FAM53B: variants seen among roughly 807,000 people sequenced by gnomAD.
FAM53B encodes family with sequence similarity 53 member B, also known as protein FAM53B.
A neutral mutation model predicts 32.7 loss-of-function variants in FAM53B; 12 were observed. The ratio of observed to expected loss-of-function variants is 0.37; its 90% confidence interval spans 0.24 to 0.59. FAM53B has a LOEUF of 0.59. FAM53B is among the 20% of genes least tolerant of loss of function. FAM53B has a pLI of 0.72. For synonymous variants in FAM53B, 234 were observed against 228.7 expected (o/e 1.02, Z -0.21); for missense variants, 477 against 577.7 (o/e 0.83, Z 1.79).
chr10:124,737,039 A>G (rs925194060), intron 1 of FAM53B, among the ~76,000 whole-genome samples: 1 of 152,252 alleles, frequency 6.6e-6, no homozygotes, highest in African/African-American at 2.4e-5. Flanking sequence ...TTCTGCAGGC[A>G]GCATGTCTTC....
In FAM53B at chr10:124,681,825, A is replaced by G. The variant is rs1267276041; in HGVS notation, c.688T>C (p.Ser230Pro). Reference protein sequence around the residue: ...GGRLDLQRSLSCSHEQFSFVE... With the variant: ...GGRLDLQRSLPCSHEQFSFVE... Reference sequence around the variant, plus strand: ...AAGGAAAACTGCTCATGTGAGCAAGAGAGGGACCGCTGCAGGTCCAGCCGG... The same window carrying G: ...AAGGAAAACTGCTCATGTGAGCAAGGGAGGGACCGCTGCAGGTCCAGCCGG... Residue 230 changes from serine to proline, a missense_variant, in exon 4 of 5, where the codon TCT (serine) becomes CCT (proline). Coordinates refer to ENST00000337318, the MANE Select transcript of FAM53B (RefSeq NM_014661.4). The G allele has an allele frequency of 3.1e-6, 5 of 1,611,738 alleles. No individual in the cohort carries two copies. Among genetic ancestry groups the G allele is most frequent in the Non-Finnish European group, 4.2e-6 (5 of 1,178,898 alleles).
intron 4 of FAM53B, among the ~76,000 whole-genome samples, chr10:124,653,499 G>T (rs1205197358): frequency 6.6e-6 from 1 of 152,218 alleles, no homozygotes; most frequent in Non-Finnish European, 1.5e-5. Context: ...AAGAGGTCTT[G>T]CAAGAACAAG....
intron 4 of FAM53B, among the ~76,000 whole-genome samples, chr10:124,624,241 C>G (rs921850049): frequency 6.6e-6 from 1 of 152,242 alleles, no homozygotes; most frequent in Admixed American, 6.5e-5. Context: ...CTCTCCACAA[C>G]CAGAGCGGGA....
intron 4 of FAM53B, chr10:124,667,208 C>T (rs957195505): frequency 2.3e-5 from 13 of 554,792 alleles, no homozygotes; most frequent in Admixed American, 6.9e-5. Context: ...TCATGATTTA[C>T]TTACATCGAT....
rs1466510604 is a variant in FAM53B at position 124,623,274 on chromosome 10, C to T, written c.1237G>A (p.Glu413Lys). The change falls in exon 5 of 5, where the codon GAG becomes AAG. Residue 413 changes from glutamate (E) to lysine (K), a missense_variant. Coordinates refer to ENST00000337318, the MANE Select transcript of FAM53B (RefSeq NM_014661.4). Reference sequence around the variant, plus strand: ...TTCTCTATCTGCTCAATGTCCAACTCGCCGTCCAGGGAGCAGAGGCTGTTC... The same window carrying T: ...TTCTCTATCTGCTCAATGTCCAACTTGCCGTCCAGGGAGCAGAGGCTGTTC... ...PGNSLCSLDG[E>K]LDIEQIEKN 3.7e-6 allele frequency: 6 copies of T among 1,609,650 alleles called. No homozygotes were observed. Among genetic ancestry groups the T allele is most frequent in the Admixed American group, 1.7e-5 (1 of 59,548 alleles).
At chr10:124,669,885 GAGGATTACAGGGTGGGTA>G (rs1263762894) in intron 4 of FAM53B, among the ~76,000 whole-genome samples, 1 of 151,578 alleles carries the variant, frequency 6.6e-6, no homozygotes, top group African/African-American at 2.4e-5. Flanking sequence ...CAGGGTGGGT[GAGGATTACAGGGTGGGTA>G]AGGACCATAG....
intron 1 of FAM53B, among the ~76,000 whole-genome samples, chr10:124,740,892 G>A (rs1950195706): frequency 6.6e-6 from 1 of 152,242 alleles, no homozygotes. Context: ...GCTTCGCTGA[G>A]CCCCGCCAGC....
chr10:124,626,712 T>C (rs888186280), intron 4 of FAM53B, among the ~76,000 whole-genome samples: 6 of 152,238 alleles, frequency 3.9e-5, no homozygotes, highest in African/African-American at 1.4e-4. Flanking sequence ...GCATTAGCCA[T>C]AGCCAGGCAC....
intron 2 of FAM53B, among the ~76,000 whole-genome samples, chr10:124,700,226 C>T (rs1381975170): frequency 6.6e-6 from 1 of 152,196 alleles, no homozygotes; most frequent in African/African-American, 2.4e-5. Context: ...TCTAGGTTGG[C>T]CAGGGCCTTT....
chr10:124,710,272 T>G (rs780452491), intron 1 of FAM53B, among the ~76,000 whole-genome samples: 11 of 152,240 alleles, frequency 7.2e-5, no homozygotes, highest in Non-Finnish European at 1.6e-4. Context: ...TGCTTTGATC[T>G]GTTGGGAGAG....
chr10:124,623,813 C>T (rs17696610), intron 4 of FAM53B: 21,713 of 546,544 alleles, frequency 0.04, 572 homozygotes, highest in Non-Finnish European at 0.053. Context: ...CATAAAGACA[C>T]GCGCAATTCC....
At chr10:124,635,925 T>A (rs1290866426) in intron 4 of FAM53B, among the ~76,000 whole-genome samples, 1 of 152,260 alleles carries the variant, frequency 6.6e-6, no homozygotes, top group African/African-American at 2.4e-5. Flanking sequence ...TCCTCTGTTA[T>A]AATAAGAATT....
intron 3 of FAM53B, among the ~76,000 whole-genome samples, chr10:124,685,254 G>A (rs2134070413): frequency 6.6e-6 from 1 of 152,300 alleles, no homozygotes; most frequent in South Asian, 2.1e-4. Context: ...TTTCTCTTTT[G>A]TTCTTCTATA....
intron 3 of FAM53B, among the ~76,000 whole-genome samples, chr10:124,684,932 TATG>T (rs1949793373): frequency 1.3e-5 from 2 of 152,250 alleles, no homozygotes; most frequent in Non-Finnish European, 2.9e-5. Context: ...AAGATTTATG[TATG>T]ATGATGTTCA....
chr10:124,716,744 T>C (rs773551885), intron 1 of FAM53B, among the ~76,000 whole-genome samples: 7 of 152,150 alleles, frequency 4.6e-5, no homozygotes, highest in African/African-American at 7.2e-5. Flanking sequence ...TGGAAGCTGC[T>C]TGACACACTC....
At chr10:124,663,263 C>T (rs1211442279) in intron 4 of FAM53B, among the ~76,000 whole-genome samples, 2 of 152,344 alleles carry the variant, frequency 1.3e-5, no homozygotes, top group Non-Finnish European at 2.9e-5. Flanking sequence ...GACCAAAGTT[C>T]CAAGGAGTGG....
chr10:124,685,621 G>C (rs1381418542), intron 3 of FAM53B, among the ~76,000 whole-genome samples: 1 of 152,242 alleles, frequency 6.6e-6, no homozygotes, highest in African/African-American at 2.4e-5. Context: ...GGAAACCCGT[G>C]ACATGAAAAG....
At position 124,681,662 on chromosome 10, in the gene FAM53B, C is replaced by T. The variant is rs1410825842; in HGVS notation, c.851G>A (p.Arg284His). 8.1e-6 allele frequency: 13 copies of T among 1,612,278 alleles called. No homozygotes were observed. Among genetic ancestry groups the T allele is most frequent in the Middle Eastern group, 1.7e-4 (1 of 5,982 alleles). ...NDKKVGVKRR[R>H]PEEVQEQRPS... Reference sequence around the variant, plus strand: ...CCTCTGCTCTTGCACTTCTTCAGGGCGCCGCCTTTTAACACCGACCTTCTT... The same window carrying T: ...CCTCTGCTCTTGCACTTCTTCAGGGTGCCGCCTTTTAACACCGACCTTCTT... Residue 284 changes from arginine (R) to histidine (H), a missense_variant, in exon 4 of 5, where the codon CGC (arginine) becomes CAC (histidine). By Grantham distance (29) the Arg-to-His change is conservative (BLOSUM62 0). This residue lies in a region of FAM53B where 312 missense variants were observed against 420.2 expected (regional missense o/e 0.74). Coordinates refer to ENST00000337318, the MANE Select transcript of FAM53B (RefSeq NM_014661.4).
At chr10:124,657,096 A>G (rs61580949) in intron 4 of FAM53B, among the ~76,000 whole-genome samples, 3 of 117,278 alleles carry the variant, frequency 2.6e-5, no homozygotes, top group South Asian at 2.8e-4. Context: ...GTGTATATAT[A>G]TGTGTATATA....
Sources: allele counts gnomAD v4.1 joint callset (sites outside exome capture counted in the v4.1 genomes callset), GRCh38; gene constraint gnomAD v4.1.1; regional missense constraint gnomAD v4.1.1; transcripts MANE v1.5; gene names NCBI Gene and HGNC (gene_info 2026-07-23, HGNC 2026-07-21).